Variants in KDM3A observed in about 807,000 individuals in gnomAD.
The protein encoded by KDM3A is lysine-specific demethylase 3A.
In KDM3A, 60 loss-of-function variants were observed where a neutral mutation model predicts 158.0. The ratio of observed to expected loss-of-function variants is 0.38; its 90% confidence interval spans 0.31 to 0.47. KDM3A has a LOEUF of 0.47. Ranked by LOEUF, KDM3A falls within the 20% of genes least tolerant of loss-of-function variation. The pLI is 0.99. For synonymous variants in KDM3A, 608 were observed against 549.3 expected, an observed-to-expected ratio of 1.11 and a Z score of -1.49; for missense variants, 1,319 against 1,574.3, an observed-to-expected ratio of 0.84 and a Z score of 2.74.
intron 4 of KDM3A, 105 bp from the exon 5 acceptor site, chr2:86,454,980 C>A: frequency 1.6e-6 from 1 of 622,032 alleles, no homozygotes; most frequent in Non-Finnish European, 2.7e-6. Flanking sequence ...TTTGTTGACA[C>A]TACTTTAACC....
At chr2:86,442,305 C>G in intron 2 of KDM3A, 72 bp downstream of exon 2, 2 of 1,415,880 alleles carry the variant, frequency 1.4e-6, no homozygotes, top group Non-Finnish European at 1.9e-6. Context: ...TCGGTTCCCT[C>G]CTTCCGTTTT....
rs376566577 is a variant in KDM3A, at chr2:86,467,888, G to T, written c.1519+1005G>T. 1.5e-3 allele frequency among the ~76,000 whole-genome samples: 234 copies of T among 152,146 alleles called. 7 individuals are homozygous for T. In the South Asian group the frequency reaches 0.048, roughly 31 times the overall value. ...ATTTTTTTAAAAATCAGCCAGGCAT[G>T]GTGGGGCACACCTGTTATTCCTAGC... On this transcript the variant is annotated intron_variant, in intron 10 of 25. Coordinates refer to ENST00000312912, the MANE Select transcript of KDM3A (RefSeq NM_018433.6).
intron 11 of KDM3A, 30 bp from the exon 12 acceptor site, chr2:86,474,746 T>G (rs1673585175): frequency 9.8e-7 from 1 of 1,022,582 alleles, no homozygotes; most frequent in South Asian, 1.3e-5. Context: ...TGTGTGTACA[T>G]TACATCTTTT....
intron 10 of KDM3A, among the ~76,000 whole-genome samples, chr2:86,468,513 T>C (rs566446096): frequency 2.6e-5 from 4 of 151,926 alleles, no homozygotes; most frequent in East Asian, 3.9e-4. Flanking sequence ...TAATATGTTA[T>C]GTAGCTATTC....
chr2:86,489,662 G>A lies in KDM3A; in HGVS notation c.3573+3G>A. On this transcript the variant is annotated splice_donor_region_variant and intron_variant, in intron 23 of 25. Transcript: ENST00000312912. ...AGATAAGGGAATTTCTTAAAAAGGT[G>A]TGCTGCTTATGGCATGTGTGAACAG... 4 of 1,609,334 alleles carry A rather than the reference G, an allele frequency of 2.5e-6. No individual in the cohort carries two copies. The highest frequency in any genetic ancestry group is 2.2e-5 in the South Asian group (2 of 90,554).
At chr2:86,463,231 GACTTAAAAATTTAAGGTATATA>G (rs1169344261) in intron 8 of KDM3A, among the ~76,000 whole-genome samples, 5 of 152,170 alleles carry the variant, frequency 3.3e-5, no homozygotes, top group Non-Finnish European at 7.3e-5. Flanking sequence ...AAAGGTATAT[GACTTAAAAATTTAAGGTATATA>G]ACTTAAAAAT....
In KDM3A at chr2:86,482,056, A is replaced by G. The variant is rs1193573062; in HGVS notation, c.2639A>G (p.Asn880Ser). 3 of 1,614,198 alleles carry G rather than the reference A, an allele frequency of 1.9e-6. No homozygotes were observed. Among genetic ancestry groups the G allele is most frequent in the Non-Finnish European group, 2.5e-6 (3 of 1,180,032 alleles). ...ACAATTTTGACACCCGTAAGCAACA[A>G]CAATTCTGGTTTCCTCCGGAATCTC... ...NSTILTPVSN[N>S]NSGFLRNLLN... The change falls in exon 17 of 26, where the codon AAC (asparagine) becomes AGC (serine). Residue 880 changes from asparagine (N) to serine (S), a missense_variant. Around this residue, in one of 4 missense-constraint regions of KDM3A, gnomAD observed 368 missense variants for 415.8 expected, o/e 0.89. Coordinates refer to ENST00000312912, the MANE Select transcript of KDM3A (RefSeq NM_018433.6).
intron 21 of KDM3A, chr2:86,486,802 C>T (rs896554151): frequency 6.6e-6 from 1 of 152,336 alleles, no homozygotes; most frequent in Non-Finnish European, 1.5e-5. Flanking sequence ...CTCAGGGAAC[C>T]ACTAGGAGTG....
intron 17 of KDM3A, 62 bp downstream of exon 17, chr2:86,482,164 G>GAGA: frequency 6.5e-7 from 1 of 1,540,492 alleles, no homozygotes; most frequent in Non-Finnish European, 8.9e-7. Flanking sequence ...GAAGAGAGTA[G>GAGA]AGAAGTTGGA....
intron 15 of KDM3A, 101 bp downstream of exon 15, chr2:86,478,836 G>A: frequency 9.1e-7 from 1 of 1,096,418 alleles, no homozygotes; most frequent in Non-Finnish European, 1.3e-6. Context: ...AAAGGAACCT[G>A]GGGATAGCTA....
chr2:86,475,136 A>G (rs1394992361), intron 12 of KDM3A, 146 bp downstream of exon 12: 12 of 673,276 alleles, frequency 1.8e-5, no homozygotes, highest in Non-Finnish European at 3.1e-5. Context: ...TTCCTTTTGC[A>G]ACAGGTTTGA....
chr2:86,479,739 T>C (rs964661634), intron 15 of KDM3A: 14 of 154,656 alleles, frequency 9.1e-5, no homozygotes, highest in Non-Finnish European at 1.4e-4. Context: ...TTTCTCTTTC[T>C]CTGCATCCCA....
At chr2:86,489,161 C>G in intron 21 of KDM3A, 157 bp from the exon 22 acceptor site, 1 of 771,768 alleles carries the variant, frequency 1.3e-6, no homozygotes, top group Non-Finnish European at 2.0e-6. Context: ...GCTAGCACAT[C>G]GATTGGTTAA....
At chr2:86,466,926 G>A (rs1216453461) in intron 10 of KDM3A, 43 bp downstream of exon 10, 12 of 1,409,452 alleles carry the variant, frequency 8.5e-6, no homozygotes, top group Non-Finnish European at 1.1e-5. Context: ...GGTAAGAAAT[G>A]GTAGATATAT....
intron 11 of KDM3A, 47 bp from the exon 12 acceptor site, chr2:86,474,701 TTGTGTGTGTGTGTGTGTGTGTGTGTGTG>T: frequency 2.3e-6 from 1 of 427,002 alleles, no homozygotes; most frequent in Non-Finnish European, 4.2e-6. Context: ...TGTAAATAAG[TTGTGTGTGTGTGTGTGTGTGTGTGTGTG>T]TGTGTGTGTG....
At chr2:86,441,298 A>G (rs1682687511), upstream of KDM3A, 1 of 151,894 alleles carries the variant, frequency 6.6e-6, no homozygotes, top group Non-Finnish European at 1.5e-5. Flanking sequence ...TGTTTCAGCC[A>G]ATGAGCGGCG....
chr2:86,466,243 G>A lies in KDM3A; in HGVS notation c.1008-129G>A, dbSNP rs540847258. 4.0e-5 allele frequency: 37 copies of A among 932,970 alleles called. No homozygotes were observed. The Middle Eastern group carries it at 2.5e-3, about 62-fold the overall frequency. The allele number at this position is 932,970 out of a possible 1,614,324, so 57.8% of individuals were successfully genotyped here. A position where few individuals can be genotyped will look rare whatever the true frequency, so the allele number is the denominator to read the frequency against. On this transcript the variant is annotated intron_variant, in intron 9 of 25. Transcript: ENST00000312912. The stretch of plus-strand genomic sequence containing the variant: ...CTCACAGAAATCTATCCTAAATTCT[G>A]TAACATATGAGAAATTTTCTTTTTT...
intron 4 of KDM3A, 59 bp downstream of exon 4, chr2:86,451,272 A>G: frequency 9.1e-7 from 1 of 1,100,968 alleles, no homozygotes; most frequent in South Asian, 1.5e-5. Flanking sequence ...CTTTAACATG[A>G]GAAGTAAAGT....
At chr2:86,485,074 G>T in intron 20 of KDM3A, 45 bp downstream of exon 20, 1 of 1,106,062 alleles carries the variant, frequency 9.0e-7, no homozygotes, top group Non-Finnish European at 1.4e-6. Context: ...CCTTCACTTG[G>T]TAGGATAAAT....
Sources: gnomAD v4.1 joint callset for allele counts (sites outside exome capture counted in the v4.1 genomes callset) on GRCh38, gnomAD v4.1.1 for gene constraint, gnomAD v4.1.1 regional missense constraint, MANE v1.5 for transcripts, NCBI Gene and HGNC (gene_info 2026-07-23, HGNC 2026-07-21) for gene names.